MRPL48: variants seen among roughly 807,000 people sequenced by gnomAD.
The protein encoded by MRPL48 is mitochondrial ribosomal protein L48, also known as large ribosomal subunit protein mL48.
A neutral mutation model predicts 32.9 loss-of-function variants in MRPL48; 16 were observed. The observed-to-expected ratio is 0.49, with a 90% CI of 0.33 to 0.74. The LOEUF is 0.74. Ranked by LOEUF, MRPL48 falls within the 30% of genes least tolerant of loss-of-function variation. MRPL48 has a pLI of 0.02. For synonymous variants in MRPL48, 94 were observed against 89.2 expected (o/e 1.05, Z -0.31); for missense variants, 206 against 245.3 (o/e 0.84, Z 1.07).
At chr11:73,796,119 T>C (rs1166672053) in intron 1 of MRPL48, among the ~76,000 whole-genome samples, 1 of 152,252 alleles carries the variant, frequency 6.6e-6, no homozygotes, top group Non-Finnish European at 1.5e-5. Context: ...GTGGGAGCCC[T>C]GCCCCTTCCG....
intron 3 of MRPL48, among the ~76,000 whole-genome samples, chr11:73,820,808 AG>A (rs1158222331): frequency 3.3e-5 from 5 of 150,660 alleles, no homozygotes; most frequent in Admixed American, 6.6e-5. Context: ...TTGCCTTTCT[AG>A]CTACTTCCCC....
chr11:73,792,750 C>A (rs1293174407), intron 1 of MRPL48, among the ~76,000 whole-genome samples: 2 of 152,176 alleles, frequency 1.3e-5, no homozygotes, highest in African/African-American at 4.8e-5. Context: ...ATCTTCAGCA[C>A]CTGTCACACC....
At chr11:73,815,073 T>G (rs1401453088) in intron 3 of MRPL48, among the ~76,000 whole-genome samples, 2 of 152,190 alleles carry the variant, frequency 1.3e-5, no homozygotes, top group Admixed American at 1.3e-4. Context: ...ATATAGTTTC[T>G]GCCTCTTAAT....
At chr11:73,794,046 G>A (rs1292135491) in intron 1 of MRPL48, among the ~76,000 whole-genome samples, 1 of 151,780 alleles carries the variant, frequency 6.6e-6, no homozygotes, top group African/African-American at 2.4e-5. Flanking sequence ...AATTAGCCAG[G>A]TGTGGTGGCA....
At chr11:73,855,083 C>CTAT (rs1224084318) in intron 5 of MRPL48, among the ~76,000 whole-genome samples, 1 of 152,070 alleles carries the variant, frequency 6.6e-6, no homozygotes, top group African/African-American at 2.4e-5. Flanking sequence ...CTGTTGGCTG[C>CTAT]TATTATTATT....
intron 5 of MRPL48, chr11:73,850,811 G>A: frequency 4.4e-6 from 1 of 226,214 alleles, no homozygotes; most frequent in South Asian, 5.8e-5. Context: ...TGAGTAGCTG[G>A]GACTACAGGC....
Position 73,788,005 on chromosome 11 carries a change from C to G in MRPL48, c.21+13C>G, listed in dbSNP as rs754168198. 3.9e-6 allele frequency: 6 copies of G among 1,557,668 alleles called. No individual in the cohort carries two copies. In the South Asian group the frequency reaches 6.7e-5, roughly 17 times the overall value. On this transcript the variant is annotated intron_variant, in intron 1 of 7. Transcript: ENST00000310614. ...AACCTTGGAAAAGGTAACGTAGATT[C>G]CACGCACGCGGGGCGCGGGGAGATG...
At chr11:73,804,981 G>T in intron 1 of MRPL48, 46 bp from the exon 2 acceptor site, 1 of 1,544,230 alleles carries the variant, frequency 6.5e-7, no homozygotes, top group South Asian at 1.2e-5. Flanking sequence ...ATACTTGGAG[G>T]TCTATAAATG....
intron 3 of MRPL48, among the ~76,000 whole-genome samples, chr11:73,808,742 T>C (rs945194346): frequency 6.6e-6 from 1 of 151,852 alleles, no homozygotes; most frequent in Non-Finnish European, 1.5e-5. Context: ...GCCAACATGG[T>C]GAAACCCTGT....
At position 73,864,570 on chromosome 11, in the gene MRPL48, A is replaced by T; in HGVS notation, c.*200A>T. 1.7e-6 allele frequency: 1 copy of T among 590,318 alleles called. No individual in the cohort carries two copies. Among genetic ancestry groups the T allele is most frequent in the East Asian group, 2.8e-5 (1 of 35,742 alleles). 36.6% of individuals were successfully genotyped at this position (590,318 alleles called of 1,614,324 possible). A position where few individuals can be genotyped will look rare whatever the true frequency, so the allele number is the denominator to read the frequency against. On this transcript the variant is annotated 3_prime_UTR_variant, in exon 8 of 8. Coordinates refer to ENST00000310614, the MANE Select transcript of MRPL48 (RefSeq NM_016055.6). ...ACTTACCTATGAGGTAATGCTTGTT[A>T]TCTTCCATCTAATAAAAATCTGCTG...
rs889684983 is a variant in MRPL48, at chr11:73,864,826, C to T, written c.*456C>T. 5.9e-6 allele frequency: 1 copy of T among 168,118 alleles called. No individual in the cohort carries two copies. The highest frequency in any genetic ancestry group is 2.4e-5 in the African/African-American group (1 of 41,976). The allele number at this position is 168,118 out of a possible 1,614,324, so 10.4% of individuals were successfully genotyped here. On this transcript the variant is annotated 3_prime_UTR_variant, in exon 8 of 8. Coordinates refer to ENST00000310614, the MANE Select transcript of MRPL48 (RefSeq NM_016055.6). ...TTTTTTTCCGAAACGGAGTCTCGCT[C>T]TGTTGCCCAGGCTGGAGTGCAGTGG...
At chr11:73,829,734 T>A (rs1947959254) in intron 4 of MRPL48, among the ~76,000 whole-genome samples, 1 of 152,166 alleles carries the variant, frequency 6.6e-6, no homozygotes, top group South Asian at 2.1e-4. Context: ...GGAAAACTGC[T>A]CTATGTTTTA....
intron 4 of MRPL48, among the ~76,000 whole-genome samples, chr11:73,836,224 T>G (rs1385279011): frequency 6.6e-6 from 1 of 152,118 alleles, no homozygotes; most frequent in Non-Finnish European, 1.5e-5. Flanking sequence ...GTTCAAGCAA[T>G]TCTGGTGCCT....
chr11:73,837,247 T>C (rs1749488309), intron 4 of MRPL48, among the ~76,000 whole-genome samples: 3 of 152,206 alleles, frequency 2.0e-5, no homozygotes, highest in African/African-American at 7.2e-5. Flanking sequence ...ACTATCACTT[T>C]AAAGGAGAGA....
At chr11:73,788,893 T>C (rs1393647586) in intron 1 of MRPL48, among the ~76,000 whole-genome samples, 1 of 152,258 alleles carries the variant, frequency 6.6e-6, no homozygotes, top group Non-Finnish European at 1.5e-5. Flanking sequence ...ACAGATTTCA[T>C]TTGTGCTCTT....
At chr11:73,857,942 A>T (rs574201718) in intron 5 of MRPL48, among the ~76,000 whole-genome samples, 2 of 152,268 alleles carry the variant, frequency 1.3e-5, no homozygotes, top group African/African-American at 4.8e-5. Flanking sequence ...GTTAGTAAAT[A>T]TTTGTTGAGT....
At chr11:73,798,192 C>T (rs1368186681) in intron 1 of MRPL48, among the ~76,000 whole-genome samples, 2 of 152,116 alleles carry the variant, frequency 1.3e-5, no homozygotes, top group Non-Finnish European at 1.5e-5. Flanking sequence ...ATTCTCCTGC[C>T]TCAGTCTCCC....
intron 4 of MRPL48, among the ~76,000 whole-genome samples, chr11:73,838,226 G>A (rs1196606965): frequency 6.6e-6 from 1 of 152,180 alleles, no homozygotes; most frequent in Non-Finnish European, 1.5e-5. Flanking sequence ...TGAGAGAATG[G>A]GATGGATGTG....
At position 73,844,046 on chromosome 11, in the gene MRPL48, T is replaced by G. The variant is rs183286172; in HGVS notation, c.202-761T>G. On this transcript the variant is annotated intron_variant, in intron 4 of 7. Transcript: ENST00000310614. Reference sequence around the variant, plus strand: ...GTGAGCTGAGACTGCGCCATTGCATTCCAGCCTGGGCGACAAGAGTGAAAC... The same window carrying G: ...GTGAGCTGAGACTGCGCCATTGCATGCCAGCCTGGGCGACAAGAGTGAAAC... 9.9e-3 allele frequency among the ~76,000 whole-genome samples: 1,499 copies of G among 151,124 alleles called. 21 individuals are homozygous for G. Among genetic ancestry groups the G allele is most frequent in the Middle Eastern group, 0.038 (11 of 290 alleles).
Sources: allele counts gnomAD v4.1 joint callset (sites outside exome capture counted in the v4.1 genomes callset), GRCh38; gene constraint gnomAD v4.1.1; transcripts MANE v1.5; gene names NCBI Gene and HGNC (gene_info 2026-07-23, HGNC 2026-07-21).